The following PAPPA2 variants were observed in gnomAD, a reference collection of about 807,000 sequenced individuals.
PAPPA2 encodes pappalysin-2.
In PAPPA2, 86 loss-of-function variants were observed where a neutral mutation model predicts 176.4. The observed-to-expected ratio is 0.49, with a 90% CI of 0.41 to 0.58. PAPPA2 has a LOEUF of 0.58. Among genes scored for constraint, PAPPA2 ranks in the 20% least tolerant of loss-of-function variants. The pLI, the probability that PAPPA2 is intolerant of heterozygous loss-of-function variation, is 0.00. For synonymous variants in PAPPA2, 809 were observed against 852.2 expected (o/e 0.95, Z 0.88); for missense variants, 2,073 against 2,256.9 (o/e 0.92, Z 1.65).
chr1:176,618,187 T>C (rs1190886299), intron 3 of PAPPA2, among the ~76,000 whole-genome samples: 1 of 152,240 alleles, frequency 6.6e-6, no homozygotes, highest in Non-Finnish European at 1.5e-5. Flanking sequence ...CACTTTGGAA[T>C]GTTGCAGATT....
At chr1:176,699,658 CT>C in intron 8 of PAPPA2, 69 bp downstream of exon 8, 2 of 1,516,884 alleles carry the variant, frequency 1.3e-6, no homozygotes, top group Non-Finnish European at 1.8e-6. Flanking sequence ...TTTTCCCCCA[CT>C]TTTTAATATT....
intron 14 of PAPPA2, among the ~76,000 whole-genome samples, chr1:176,757,016 G>A (rs1260128594): frequency 6.6e-6 from 1 of 152,138 alleles, no homozygotes; most frequent in Non-Finnish European, 1.5e-5. Context: ...CTTCATCCAT[G>A]CCCCTGCAAA....
At chr1:176,496,379 A>T (rs1647621387) in intron 1 of PAPPA2, among the ~76,000 whole-genome samples, 1 of 152,194 alleles carries the variant, frequency 6.6e-6, no homozygotes, top group South Asian at 2.1e-4. Flanking sequence ...CAACCAGAAG[A>T]TGAAACCTTT....
At chr1:176,530,686 C>T (rs890885832) in intron 1 of PAPPA2, among the ~76,000 whole-genome samples, 1 of 152,070 alleles carries the variant, frequency 6.6e-6, no homozygotes. Context: ...CAGCAACATC[C>T]ACCAAATAGC....
rs1308053094 is a variant in PAPPA2 at position 176,595,571 on chromosome 1, G to C, written c.1967G>C (p.Cys656Ser). 2 of 1,612,734 alleles carry C rather than the reference G, an allele frequency of 1.2e-6. No homozygotes were observed. Among genetic ancestry groups the C allele is most frequent in the South Asian group, 2.2e-5 (2 of 91,010 alleles). Residue 656 changes from cysteine (C) to serine (S), a missense_variant, in exon 3 of 23, where the codon TGC becomes TCC. Physicochemically the swap from Cys to Ser is moderately radical, Grantham distance 112. Around this residue, in one of 4 missense-constraint regions of PAPPA2, gnomAD observed 1,196 missense variants for 1,330.4 expected, o/e 0.90. Coordinates refer to ENST00000367662, the MANE Select transcript of PAPPA2 (RefSeq NM_020318.3). ...DPQVADVRKT[C>S]FDPDSPKRAY... ...CAGGTGGCTGATGTGCGCAAGACCTGCTTTGACCCTGACTCACCCAAGAGG... is the reference window on the plus strand; with the variant it reads ...CAGGTGGCTGATGTGCGCAAGACCTCCTTTGACCCTGACTCACCCAAGAGG...
In PAPPA2 at chr1:176,702,776, T is replaced by TGAGA. The variant is rs71129581; in HGVS notation, c.3365+65_3365+68dup. 428 of 1,145,690 alleles carry TGAGA rather than the reference T, an allele frequency of 3.7e-4. 2 individuals are homozygous for TGAGA. In the East Asian group the frequency reaches 0.011, roughly 31 times the overall value. 71.0% of individuals were successfully genotyped at this position (1,145,690 alleles called of 1,614,324 possible). ...GTGTGTGTGTGTGTGTGTGTGTGTG[T>TGAGA]GAGAGAGAGAGAGAGAGAGAGAGAG... On this transcript the variant is annotated intron_variant, in intron 9 of 22. Coordinates refer to ENST00000367662, the MANE Select transcript of PAPPA2 (RefSeq NM_020318.3).
intron 2 of PAPPA2, among the ~76,000 whole-genome samples, chr1:176,571,820 A>T (rs917738847): frequency 6.6e-6 from 1 of 152,266 alleles, no homozygotes; most frequent in Non-Finnish European, 1.5e-5. Context: ...ATTACAAGAT[A>T]AATTCAAAAG....
intron 3 of PAPPA2, among the ~76,000 whole-genome samples, chr1:176,635,772 T>A (rs938162404): frequency 3.3e-5 from 5 of 152,196 alleles, no homozygotes; most frequent in Non-Finnish European, 7.3e-5. Context: ...TCTTTCCTTG[T>A]GGCTGTTTTA....
At chr1:176,571,855 G>A (rs1652356624) in intron 2 of PAPPA2, among the ~76,000 whole-genome samples, 1 of 152,228 alleles carries the variant, frequency 6.6e-6, no homozygotes, top group Non-Finnish European at 1.5e-5. Flanking sequence ...AACAAAACCT[G>A]CCCATTAACT....
chr1:176,696,158 C>T (rs1454842405), intron 7 of PAPPA2, among the ~76,000 whole-genome samples: 1 of 152,020 alleles, frequency 6.6e-6, no homozygotes, highest in East Asian at 1.9e-4. Flanking sequence ...GGTGTGACTT[C>T]AGGGTGAGAT....
In PAPPA2 at chr1:176,831,843, G is replaced by T. The variant is rs184397078; in HGVS notation, c.5203-8330G>T. Among the ~76,000 whole-genome samples, 20 of 152,258 alleles carry T rather than the reference G, an allele frequency of 1.3e-4. No homozygotes were observed. In the Middle Eastern group the frequency reaches 0.014, roughly 104 times the overall value. On this transcript the variant is annotated intron_variant, in intron 21 of 22. Coordinates refer to ENST00000367662, the MANE Select transcript of PAPPA2 (RefSeq NM_020318.3). ...GCTAAGACACCCAAGTCACCATTAT[G>T]GTTTTTGAAGAGAGCCCTGGTTTCC...
intron 3 of PAPPA2, 29 bp from the exon 4 acceptor site, chr1:176,670,941 G>A (rs1369573578): frequency 1.2e-6 from 2 of 1,612,570 alleles, no homozygotes; most frequent in Non-Finnish European, 1.7e-6. Context: ...TCTTTGCTGT[G>A]ACATTTTTTC....
intron 3 of PAPPA2, among the ~76,000 whole-genome samples, chr1:176,634,014 C>G (rs1480852115): frequency 1.3e-5 from 2 of 152,180 alleles, no homozygotes; most frequent in African/African-American, 2.4e-5. Context: ...ACTAGTTCAA[C>G]CATTGTGGAA....
At chr1:176,485,098 C>T (rs1277470946) in intron 1 of PAPPA2, among the ~76,000 whole-genome samples, 2 of 152,230 alleles carry the variant, frequency 1.3e-5, no homozygotes, top group African/African-American at 4.8e-5. Flanking sequence ...AACTTCCAAG[C>T]TTCCCACATG....
intron 3 of PAPPA2, chr1:176,616,435 A>G (rs1655262406): frequency 1.5e-6 from 1 of 650,922 alleles, no homozygotes; most frequent in Admixed American, 2.0e-5. Flanking sequence ...CCTTCAACTG[A>G]TGCTAGGGCA....
intron 21 of PAPPA2, among the ~76,000 whole-genome samples, chr1:176,822,529 A>C (rs1180107145): frequency 6.6e-6 from 1 of 152,182 alleles, no homozygotes; most frequent in Non-Finnish European, 1.5e-5. Context: ...AGCTATACTC[A>C]CAAGTCTTTT....
intron 2 of PAPPA2, among the ~76,000 whole-genome samples, chr1:176,574,306 C>T (rs1013308943): frequency 6.6e-6 from 1 of 152,016 alleles, no homozygotes; most frequent in African/African-American, 2.4e-5. Context: ...TTGTCTTCTC[C>T]AGGACCGTAT....
chr1:176,467,504 C>T (rs555636958), intron 1 of PAPPA2, among the ~76,000 whole-genome samples: 1 of 152,312 alleles, frequency 6.6e-6, no homozygotes, highest in African/African-American at 2.4e-5. Context: ...ATTAGGAAGA[C>T]TCTATGTAAC....
rs1665282024 is a variant in PAPPA2 at position 176,793,572 on chromosome 1, C to A, written c.5033C>A (p.Ser1678Tyr). The change falls in exon 20 of 23, where the codon TCC (serine) becomes TAC (tyrosine). Residue 1678 changes from serine (S) to tyrosine (Y), a missense_variant. By Grantham distance (144) the Ser-to-Tyr change is moderately radical. This residue lies in a region of PAPPA2 where 846 missense variants were observed against 857.9 expected (regional missense o/e 0.99). Transcript: ENST00000367662. ...EQGYGIGAVC[S>Y]PLCVIPPSDP... is the part of the protein sequence containing the mutation. ...TCTGTTCTTTCAGGTGCAGTGTGTT[C>A]CCCATTGTGTGTAATCCCCCCCAGT... 1 of 1,610,696 alleles carries A rather than the reference C, an allele frequency of 6.2e-7. No individual in the cohort carries two copies. The highest frequency in any genetic ancestry group is 1.1e-5 in the South Asian group (1 of 90,928).
Sources: allele counts gnomAD v4.1 joint callset (sites outside exome capture counted in the v4.1 genomes callset), GRCh38; gene constraint gnomAD v4.1.1; regional missense constraint gnomAD v4.1.1; transcripts MANE v1.5; gene names NCBI Gene and HGNC (gene_info 2026-07-23, HGNC 2026-07-21).